Variants in MAOB observed in about 807,000 individuals in gnomAD.
MAOB encodes amine oxidase [flavin-containing] B.
In MAOB, 15 loss-of-function variants were observed where a neutral mutation model predicts 41.9. The observed-to-expected ratio is 0.36, with a 90% CI of 0.24 to 0.55. The LOEUF is 0.55. Among genes scored for constraint, MAOB ranks in the 20% least tolerant of loss-of-function variants. The pLI, the probability that MAOB is intolerant of heterozygous loss-of-function variation, is 0.86. For missense variants in MAOB, 345 were observed against 398.7 expected (o/e 0.87, Z 1.15); for synonymous variants, 167 against 144.2 (o/e 1.16, Z -1.13).
intron 2 of MAOB, among the ~76,000 whole-genome samples, chrX:43,839,733 T>C (rs1482052774): frequency 8.9e-6 from 1 of 112,213 alleles, no homozygotes; most frequent in Non-Finnish European, 1.9e-5. Flanking sequence ...CACTAAAGTA[T>C]TCCAAACTCC....
intron 1 of MAOB, among the ~76,000 whole-genome samples, chrX:43,866,532 T>C (rs2035366388): frequency 9.0e-6 from 1 of 111,342 alleles, no homozygotes; most frequent in Non-Finnish European, 1.9e-5. Flanking sequence ...AGACAGAAAG[T>C]AGAATGATGG....
intron 5 of MAOB, among the ~76,000 whole-genome samples, chrX:43,798,324 T>C (rs1467304153): frequency 8.9e-6 from 1 of 112,364 alleles, no homozygotes; most frequent in East Asian, 2.8e-4. Context: ...GAATGAATGA[T>C]TGATGAGAAA....
At chrX:43,818,607 G>A (rs888176020) in intron 3 of MAOB, among the ~76,000 whole-genome samples, 2 of 112,168 alleles carry the variant, frequency 1.8e-5, no homozygotes, top group Non-Finnish European at 1.9e-5. Context: ...GAGCGACAAC[G>A]CAAAGGATAA....
intron 8 of MAOB, 31 bp from the exon 9 acceptor site, chrX:43,781,575 T>C (rs774422546): frequency 1.2e-6 from 1 of 803,636 alleles, no homozygotes; most frequent in Admixed American, 2.5e-5. Flanking sequence ...AAGAGCATAT[T>C]CATCACTCTA....
chrX:43,834,879 G>A (rs1419619074), intron 3 of MAOB, among the ~76,000 whole-genome samples: 1 of 112,775 alleles, frequency 8.9e-6, no homozygotes, highest in African/African-American at 3.2e-5. Context: ...GATAGCTGAA[G>A]TTTGGAAATG....
chrX:43,877,683 C>A (rs2035448654), intron 1 of MAOB, among the ~76,000 whole-genome samples: 1 of 111,683 alleles, frequency 9.0e-6, no homozygotes. Flanking sequence ...GGAATAATAG[C>A]CAGGTTGAGG....
intron 1 of MAOB, among the ~76,000 whole-genome samples, chrX:43,859,725 A>C (rs1267291517): frequency 9.0e-6 from 1 of 111,650 alleles, no homozygotes; most frequent in Non-Finnish European, 1.9e-5. Context: ...TTTCTCTCCT[A>C]CATCATCAAT....
chrX:43,839,166 A>G (rs2035104510), intron 2 of MAOB, among the ~76,000 whole-genome samples, 161 bp from the exon 3 acceptor site: 1 of 112,675 alleles, frequency 8.9e-6, no homozygotes, highest in African/African-American at 3.2e-5. Flanking sequence ...TACTTCATTC[A>G]CATGACTTAG....
rs749704473 is a variant in MAOB, at chrX:43,839,028, TA to T, written c.142-24del. 73 of 1,101,320 alleles carry T rather than the reference TA, an allele frequency of 6.6e-5. No homozygotes were observed. The Admixed American group carries it at 1.6e-3, about 24-fold the overall frequency. The allele number at this position is 1,101,320 out of a possible 1,213,427, so 90.8% of individuals were successfully genotyped here. On this transcript the variant is annotated intron_variant, in intron 2 of 14. Transcript: ENST00000378069. ...GTTCTGTTTTCCCATAGGAAAAAAT[TA>T]AAAAAAATTTGTAAAAAATGTATAA...
intron 2 of MAOB, among the ~76,000 whole-genome samples, chrX:43,839,539 A>G (rs1412182855): frequency 6.2e-5 from 7 of 112,025 alleles, no homozygotes; most frequent in Non-Finnish European, 1.3e-4. Flanking sequence ...CGAACTTTGA[A>G]CAAAAAATTA....
chrX:43,810,229 C>T (rs770125335), intron 3 of MAOB, among the ~76,000 whole-genome samples: 1 of 61,388 alleles, frequency 1.6e-5, no homozygotes, highest in Non-Finnish European at 2.5e-5. Context: ...GGCGACAGAG[C>T]GAGACTCTGT....
At chrX:43,775,087 A>G (rs2034237702) in intron 12 of MAOB, 88 bp downstream of exon 12, 2 of 951,602 alleles carry the variant, frequency 2.1e-6, no homozygotes, top group African/African-American at 2.1e-5. Flanking sequence ...TTTATAAGAA[A>G]CAAGGGAGAA....
intron 5 of MAOB, among the ~76,000 whole-genome samples, chrX:43,801,862 T>C (rs189236171): frequency 1.8e-3 from 199 of 112,890 alleles, no homozygotes; most frequent in African/African-American, 5.5e-3. Context: ...ATCAACAACT[T>C]AATAAATGAG....
chrX:43,861,856 C>CGTGTGTGT (rs112289658), intron 1 of MAOB, among the ~76,000 whole-genome samples: 30 of 103,160 alleles, frequency 2.9e-4, no homozygotes, highest in African/African-American at 1.0e-3. Context: ...CCAGCTGAAA[C>CGTGTGTGT]GTGTGTGTGT....
At chrX:43,795,540 G>A (rs1311022580) in intron 7 of MAOB, among the ~76,000 whole-genome samples, 199 bp downstream of exon 7, 1 of 111,308 alleles carries the variant, frequency 9.0e-6, no homozygotes, top group African/African-American at 3.3e-5. Context: ...GAGGCTGGGG[G>A]TGGGGCTGAA....
chrX:43,826,593 T>C (rs1228563854), intron 3 of MAOB, among the ~76,000 whole-genome samples: 2 of 112,310 alleles, frequency 1.8e-5, no homozygotes, highest in Non-Finnish European at 3.8e-5. Context: ...TTTCTCATAG[T>C]TCTGGAGGCT....
intron 2 of MAOB, among the ~76,000 whole-genome samples, chrX:43,843,357 TCACACACACACACACACACACACACA>T (rs61018201): frequency 3.6e-5 from 3 of 83,729 alleles, no homozygotes; most frequent in Admixed American, 1.5e-4. Context: ...TCTCTCTGTC[TCACACACACACACACACACACACACA>T]CACACACACA....
chrX:43,824,454 C>A (rs560459341), intron 3 of MAOB, among the ~76,000 whole-genome samples: 1 of 111,946 alleles, frequency 8.9e-6, no homozygotes, highest in Non-Finnish European at 1.9e-5. Context: ...GAAACCGAGG[C>A]GGGTGGATCA....
chrX:43,852,186 G>A (rs1354418057), intron 1 of MAOB, among the ~76,000 whole-genome samples: 1 of 111,938 alleles, frequency 8.9e-6, no homozygotes, highest in East Asian at 2.8e-4. Context: ...ACCCAAATGA[G>A]ACAGGGTGGC....
Sources: gnomAD v4.1 joint callset for allele counts (sites outside exome capture counted in the v4.1 genomes callset) on GRCh38, gnomAD v4.1.1 for gene constraint, MANE v1.5 for transcripts, NCBI Gene and HGNC (gene_info 2026-07-23, HGNC 2026-07-21) for gene names.